Variants in CCDC192 observed in about 807,000 individuals in gnomAD.
CCDC192 encodes coiled-coil domain containing 192, also known as coiled-coil domain-containing protein 192.
rs531907470 is a variant in CCDC192 at position 127,885,571 on chromosome 5, C to CA, written c.535+9911dup. Among the ~76,000 whole-genome samples the CA allele has an allele frequency of 5.3e-3, 810 of 152,296 alleles. 3 individuals carry two copies. The highest frequency in any genetic ancestry group is 0.017 in the Middle Eastern group (5 of 294). ...CTCACTATTATTTTATTTAGTAACT[C>CA]AGTGTTTCCTTATAGGAGGTTAAGG... On this transcript the variant is annotated intron_variant, in intron 6 of 6. Transcript: ENST00000514853.
At chr5:127,741,487 T>C (rs1753415551) in intron 2 of CCDC192, among the ~76,000 whole-genome samples, 1 of 152,172 alleles carries the variant, frequency 6.6e-6, no homozygotes, top group Admixed American at 6.5e-5. Flanking sequence ...TGAAAGCATA[T>C]ACAAAATTAT....
intron 5 of CCDC192, among the ~76,000 whole-genome samples, chr5:127,807,264 G>T (rs1440857736): frequency 5.9e-5 from 9 of 152,100 alleles, no homozygotes; most frequent in South Asian, 4.2e-4. Context: ...ATGGAATAAG[G>T]CACCTCATGT....
At chr5:127,774,993 T>C (rs556858544) in intron 3 of CCDC192, among the ~76,000 whole-genome samples, 1 of 152,346 alleles carries the variant, frequency 6.6e-6, no homozygotes, top group East Asian at 1.9e-4. Context: ...TATTCCTAAG[T>C]AGTTTATTCT....
intron 6 of CCDC192, among the ~76,000 whole-genome samples, chr5:127,891,462 T>G (rs570939824): frequency 1.3e-5 from 2 of 151,710 alleles, no homozygotes; most frequent in East Asian, 3.9e-4. Flanking sequence ...TTCACTTGTT[T>G]TCTCCTGATT....
chr5:127,888,140 G>T (rs894657143), intron 6 of CCDC192, among the ~76,000 whole-genome samples: 7 of 151,766 alleles, frequency 4.6e-5, no homozygotes, highest in Non-Finnish European at 1.0e-4. Flanking sequence ...GGACAGCCGG[G>T]TGCAGTGGCT....
At chr5:127,884,794 C>T (rs1039722442) in intron 6 of CCDC192, among the ~76,000 whole-genome samples, 1 of 152,194 alleles carries the variant, frequency 6.6e-6, no homozygotes, top group Non-Finnish European at 1.5e-5. Context: ...GACAACCATC[C>T]ACTGTTTTAT....
At chr5:127,795,224 AG>A (rs1446665972) in intron 3 of CCDC192, among the ~76,000 whole-genome samples, 2 of 148,032 alleles carry the variant, frequency 1.4e-5, no homozygotes, top group African/African-American at 5.0e-5. Flanking sequence ...CCAGAGGCGA[AG>A]GTTGCAGTGA....
At chr5:127,779,995 A>G (rs1756101648) in intron 3 of CCDC192, among the ~76,000 whole-genome samples, 2 of 151,976 alleles carry the variant, frequency 1.3e-5, no homozygotes, top group African/African-American at 4.8e-5. Flanking sequence ...TTGGTTTTCC[A>G]TTTCTGAGTT....
At chr5:127,859,600 T>C (rs111930573) in intron 5 of CCDC192, among the ~76,000 whole-genome samples, 3 of 152,198 alleles carry the variant, frequency 2.0e-5, no homozygotes, top group African/African-American at 7.2e-5. Flanking sequence ...TGGGGAACTG[T>C]GCCTTCCTTC....
In CCDC192 at chr5:127,714,935, A is replaced by G. The variant is rs113363273; in HGVS notation, c.114+7175A>G. On this transcript the variant is annotated intron_variant, in intron 2 of 6. Transcript: ENST00000514853. ...GCAATTTGTCTTTTGAGAAATGTCT[A>G]TTTAGGTCTTTTGCCCATTTATAAT... 4.4e-3 allele frequency among the ~76,000 whole-genome samples: 665 copies of G among 150,300 alleles called. 4 individuals are homozygous for G. Among genetic ancestry groups the G allele is most frequent in the Admixed American group, 7.8e-3 (117 of 14,934 alleles).
At chr5:127,873,897 C>T (rs971949053) in intron 5 of CCDC192, among the ~76,000 whole-genome samples, 4 of 152,166 alleles carry the variant, frequency 2.6e-5, no homozygotes, top group Admixed American at 2.6e-4. Flanking sequence ...AATTGAAAAA[C>T]ACAGCTGTCC....
At chr5:127,732,629 G>A (rs1752705815) in intron 2 of CCDC192, among the ~76,000 whole-genome samples, 2 of 152,308 alleles carry the variant, frequency 1.3e-5, no homozygotes, top group South Asian at 4.1e-4. Flanking sequence ...TAAAGAAAAT[G>A]TGGTACATAT....
At chr5:127,914,396 C>A (rs1448842139) in intron 6 of CCDC192, among the ~76,000 whole-genome samples, 1 of 152,052 alleles carries the variant, frequency 6.6e-6, no homozygotes, top group Non-Finnish European at 1.5e-5. Flanking sequence ...GGACAATATT[C>A]TAGTATCAAA....
At chr5:127,904,740 G>T (rs1347436528) in intron 6 of CCDC192, among the ~76,000 whole-genome samples, 1 of 152,064 alleles carries the variant, frequency 6.6e-6, no homozygotes, top group Non-Finnish European at 1.5e-5. Context: ...GACCTCAGGT[G>T]ATCTGCCTGC....
At chr5:127,843,328 G>A (rs572471877) in intron 5 of CCDC192, among the ~76,000 whole-genome samples, 5 of 151,684 alleles carry the variant, frequency 3.3e-5, no homozygotes, top group Admixed American at 2.0e-4. Context: ...GTGAGCCATC[G>A]CAGCCAGCCA....
intron 5 of CCDC192, among the ~76,000 whole-genome samples, chr5:127,868,885 A>C (rs1303883429): frequency 2.6e-5 from 4 of 152,200 alleles, no homozygotes; most frequent in Admixed American, 1.3e-4. Context: ...TAGTGATAGA[A>C]GGCAAAATCT....
intron 6 of CCDC192, among the ~76,000 whole-genome samples, chr5:127,927,267 T>C (rs992536728): frequency 1.3e-5 from 2 of 152,186 alleles, no homozygotes; most frequent in African/African-American, 4.8e-5. Context: ...TATTACAGTA[T>C]GTTGTTATAA....
intron 3 of CCDC192, 78 bp downstream of exon 3, chr5:127,754,453 TA>T: frequency 2.6e-6 from 1 of 388,134 alleles, no homozygotes. Context: ...ACACACGTTT[TA>T]ACCTCTCCCT....
At chr5:127,762,300 A>G (rs903060041) in intron 3 of CCDC192, among the ~76,000 whole-genome samples, 1 of 152,246 alleles carries the variant, frequency 6.6e-6, no homozygotes, top group Non-Finnish European at 1.5e-5. Context: ...CCTTATCAAC[A>G]TGAAGCCCAG....
Sources: gnomAD v4.1 joint callset for allele counts (sites outside exome capture counted in the v4.1 genomes callset) on GRCh38, gnomAD v4.1.1 for gene constraint, MANE v1.5 for transcripts, NCBI Gene and HGNC (gene_info 2026-07-23, HGNC 2026-07-21) for gene names.